Variants in ADARB2 observed in about 807,000 individuals in gnomAD.
The protein encoded by ADARB2 is adenosine deaminase RNA specific B2 (inactive).
Under a neutral mutation model 62.2 loss-of-function variants are expected in ADARB2, and 25 were observed. The observed-to-expected ratio is 0.40, with a 90% CI of 0.29 to 0.56. The LOEUF is 0.56. ADARB2 is among the 20% of genes least tolerant of loss of function. ADARB2 has a pLI of 0.43. For synonymous variants in ADARB2, 572 were observed against 500.8 expected (o/e 1.14, Z -1.90); for missense variants, 1,071 against 1,077.4 (o/e 0.99, Z 0.08).
intron 1 of ADARB2, among the ~76,000 whole-genome samples, chr10:1,662,099 G>A (rs1834256437): frequency 6.6e-6 from 1 of 152,192 alleles, no homozygotes; most frequent in Non-Finnish European, 1.5e-5. Flanking sequence ...CGTTGAAGGT[G>A]CTTTAAGGAT....
At chr10:1,393,763 G>A (rs533634466) in intron 1 of ADARB2, among the ~76,000 whole-genome samples, 1 of 152,342 alleles carries the variant, frequency 6.6e-6, no homozygotes, top group African/African-American at 2.4e-5. Flanking sequence ...TTCCAGATGT[G>A]AGCGGTGGGC....
chr10:1,608,166 T>A (rs921161457), intron 1 of ADARB2, among the ~76,000 whole-genome samples: 8 of 152,234 alleles, frequency 5.3e-5, no homozygotes, highest in African/African-American at 1.9e-4. Flanking sequence ...TATAAAAGTC[T>A]GTGCCAACGT....
intron 1 of ADARB2, among the ~76,000 whole-genome samples, chr10:1,495,960 T>A (rs1393017673): frequency 6.6e-6 from 1 of 151,886 alleles, no homozygotes; most frequent in Non-Finnish European, 1.5e-5. Flanking sequence ...ATTGTGATCA[T>A]CACCATCATT....
intron 1 of ADARB2, among the ~76,000 whole-genome samples, chr10:1,451,646 A>C (rs1202881194): frequency 2.3e-5 from 3 of 132,778 alleles, no homozygotes; most frequent in East Asian, 2.1e-4. Context: ...ACACACCTGT[A>C]TGAGAAGGGG....
intron 1 of ADARB2, among the ~76,000 whole-genome samples, chr10:1,583,535 C>T (rs145220844): frequency 3.5e-4 from 54 of 152,136 alleles, no homozygotes; most frequent in African/African-American, 1.3e-3. Flanking sequence ...ATGAATCTAA[C>T]GAATCATGTA....
At chr10:1,492,265 C>A (rs1182132681) in intron 1 of ADARB2, among the ~76,000 whole-genome samples, 2 of 152,156 alleles carry the variant, frequency 1.3e-5, no homozygotes, top group East Asian at 3.9e-4. Flanking sequence ...CGGTGTCCCA[C>A]CCAGAAAATA....
At chr10:1,646,472 T>C (rs1834043699) in intron 1 of ADARB2, among the ~76,000 whole-genome samples, 2 of 152,212 alleles carry the variant, frequency 1.3e-5, no homozygotes, top group Non-Finnish European at 2.9e-5. Flanking sequence ...GAAAAACTAA[T>C]GGTGTGTGGG....
chr10:1,370,515 G>A (rs1832359942), intron 2 of ADARB2, among the ~76,000 whole-genome samples: 1 of 151,876 alleles, frequency 6.6e-6, no homozygotes, highest in African/African-American at 2.4e-5. Flanking sequence ...AACTATCTCT[G>A]TTCCCTGATG....
chr10:1,683,645 G>A (rs1431700174), intron 1 of ADARB2, among the ~76,000 whole-genome samples: 4 of 152,162 alleles, frequency 2.6e-5, no homozygotes, highest in African/African-American at 7.2e-5. Flanking sequence ...AACTGTCGCC[G>A]AGTCAGAGCG....
rs937945660 is a variant in ADARB2, at chr10:1,477,909, T to C, written c.101-98749A>G. Among the ~76,000 whole-genome samples, 1 of 152,184 alleles carries C rather than the reference T, an allele frequency of 6.6e-6. No homozygotes were observed. The highest frequency in any genetic ancestry group is 2.4e-5 in the African/African-American group (1 of 41,450). On this transcript the variant is annotated intron_variant, in intron 1 of 9. Coordinates refer to ENST00000381312, the MANE Select transcript of ADARB2 (RefSeq NM_018702.4). This position sits in a 1 kb window ranked among gnomAD's most constrained non-coding sequence, Gnocchi z 4.5. Reference sequence around the variant, plus strand: ...AGGTTCCCTCCTGCCCTGACATGCATCCCAGGGAAGAGCCCCTCTGCTGGA... The same window carrying C: ...AGGTTCCCTCCTGCCCTGACATGCACCCCAGGGAAGAGCCCCTCTGCTGGA...
At chr10:1,394,009 G>A (rs1986608) in intron 1 of ADARB2, among the ~76,000 whole-genome samples, 56,392 of 151,994 alleles carry the variant, frequency 0.37, 11,236 homozygotes, top group Middle Eastern at 0.5. Context: ...TCCTTTCAGG[G>A]TGGTGTCCTC....
At position 1,177,601 on chromosome 10, in the gene ADARB2, T is replaced by TA. The variant is rs1836605636; in HGVS notation, c.*5591dup. 1 of 149,252 alleles carries TA rather than the reference T, an allele frequency of 6.7e-6. No homozygotes were observed. Among genetic ancestry groups the TA allele is most frequent in the Non-Finnish European group, 1.5e-5 (1 of 67,244 alleles). 9.2% of individuals were successfully genotyped at this position (149,252 alleles called of 1,614,324 possible). A position where few individuals can be genotyped will look rare whatever the true frequency, so the allele number is the denominator to read the frequency against. ...ACACTGGGAGAGATTTTTTTTTTTT[T>TA]ACCGATGCATAAACTGCAGAGAGAT... On this transcript the variant is annotated 3_prime_UTR_variant, in exon 10 of 10. Coordinates refer to ENST00000381312, the MANE Select transcript of ADARB2 (RefSeq NM_018702.4).
At chr10:1,633,657 G>T (rs1399111954) in intron 1 of ADARB2, among the ~76,000 whole-genome samples, 1 of 144,484 alleles carries the variant, frequency 6.9e-6, no homozygotes, top group African/African-American at 2.5e-5. Context: ...TACTGGTTCT[G>T]TTTCTCTGGA....
chr10:1,490,536 C>A (rs1831606283), intron 1 of ADARB2, among the ~76,000 whole-genome samples: 1 of 152,132 alleles, frequency 6.6e-6, no homozygotes, highest in African/African-American at 2.4e-5. Flanking sequence ...CTTACTGCAA[C>A]CTCTGCCTCC....
intron 3 of ADARB2, among the ~76,000 whole-genome samples, chr10:1,293,235 A>AGAGAGGGACGGGGG (rs1309621770): frequency 6.2e-5 from 7 of 112,446 alleles, no homozygotes; most frequent in African/African-American, 2.4e-4. Flanking sequence ...ACGGGGAGGG[A>AGAGAGGGACGGGGG]GAGAGGGACG....
At chr10:1,651,144 TC>T (rs1363476873) in intron 1 of ADARB2, among the ~76,000 whole-genome samples, 8 of 152,194 alleles carry the variant, frequency 5.3e-5, no homozygotes, top group African/African-American at 1.9e-4. Flanking sequence ...ACAAATTGCC[TC>T]CCTGCCAATA....
intron 8 of ADARB2, among the ~76,000 whole-genome samples, chr10:1,189,384 G>A (rs1179656530): frequency 6.6e-6 from 1 of 152,020 alleles, no homozygotes; most frequent in African/African-American, 2.4e-5. Flanking sequence ...AGTGGGTTTC[G>A]AAAGGGTTGA....
chr10:1,387,809 A>G (rs565345997), intron 1 of ADARB2, among the ~76,000 whole-genome samples: 3 of 152,172 alleles, frequency 2.0e-5, no homozygotes, highest in South Asian at 4.1e-4. Flanking sequence ...AAAAAAACCT[A>G]CAGACCCATG....
At chr10:1,485,130 G>T (rs1170631509) in intron 1 of ADARB2, among the ~76,000 whole-genome samples, 1 of 151,930 alleles carries the variant, frequency 6.6e-6, no homozygotes, top group East Asian at 1.9e-4. Flanking sequence ...ACCTGTGTAG[G>T]TATGTAGGTG....
Sources: gnomAD v4.1 joint callset for allele counts (sites outside exome capture counted in the v4.1 genomes callset) on GRCh38, gnomAD v4.1.1 for gene constraint, Gnocchi (gnomAD v3.1) non-coding constraint, MANE v1.5 for transcripts, NCBI Gene and HGNC (gene_info 2026-07-23, HGNC 2026-07-21) for gene names.